RSPH14: variants seen among roughly 807,000 people sequenced by gnomAD.
The protein encoded by RSPH14 is rhabdoid tumor deletion region gene 1.
In RSPH14, 20 loss-of-function variants were observed where a neutral mutation model predicts 26.7. The observed-to-expected ratio is 0.75, with a 90% confidence interval of 0.53 to 1.09. The LOEUF is 1.09. Ranked by LOEUF, RSPH14 falls within the 50% of genes least tolerant of loss-of-function variation. The pLI, the probability that RSPH14 is intolerant of heterozygous loss-of-function variation, is 0.00. For missense variants in RSPH14, 449 were observed against 457.2 expected, an observed-to-expected ratio of 0.98 and a Z score of 0.16; for synonymous variants, 177 against 189.3, an observed-to-expected ratio of 0.93 and a Z score of 0.53.
the RSPH14 span, among the ~76,000 whole-genome samples, chr22:23,152,121 G>A: frequency 2.6e-5 from 4 of 152,196 alleles, no homozygotes; most frequent in South Asian, 8.3e-4. Context: ...ACGTGCCCAC[G>A]GCTGTTGGTT....
At chr22:23,149,318 A>G (rs1461400100), upstream of RSPH14, among the ~76,000 whole-genome samples, 2 of 152,164 alleles carry the variant, frequency 1.3e-5, no homozygotes, top group Non-Finnish European at 2.9e-5. Flanking sequence ...AATGGCAAAA[A>G]ATAATGGTCA....
chr22:23,073,804 G>A (rs2068437831), intron 4 of RSPH14, among the ~76,000 whole-genome samples: 1 of 152,188 alleles, frequency 6.6e-6, no homozygotes. Context: ...CCAGGTGCAG[G>A]GGTACAGCAG....
At chr22:23,160,801 G>T in the RSPH14 span, 151 of 1,555,420 alleles carry the variant, frequency 9.7e-5, 1 homozygote, top group South Asian at 1.7e-3. Flanking sequence ...GGGTAGGCTA[G>T]CCTGGCTTTC....
chr22:23,168,406 G>A, the RSPH14 span, among the ~76,000 whole-genome samples: 2 of 152,176 alleles, frequency 1.3e-5, no homozygotes, highest in Admixed American at 1.3e-4. Flanking sequence ...GGTTTCAGAG[G>A]AAGAAACTCA....
intron 4 of RSPH14, chr22:23,123,131 C>T (rs1280317094): frequency 6.2e-7 from 1 of 1,614,068 alleles, no homozygotes; most frequent in South Asian, 1.1e-5. Flanking sequence ...CCATCTGCAA[C>T]AACAACTGGT....
chr22:23,158,835 C>A, the RSPH14 span: 1 of 1,484,288 alleles, frequency 6.7e-7, no homozygotes, highest in East Asian at 2.3e-5. Flanking sequence ...CAAGTGTGCC[C>A]TCTGCCCCCT....
chr22:23,106,330 CA>C, intron 4 of RSPH14, among the ~76,000 whole-genome samples: 1 of 152,238 alleles, frequency 6.6e-6, no homozygotes, highest in Non-Finnish European at 1.5e-5. Flanking sequence ...CAGGGCTGGA[CA>C]GGGGTGCCAA....
the RSPH14 span, among the ~76,000 whole-genome samples, chr22:23,153,936 G>A: frequency 2.8e-4 from 43 of 152,060 alleles, 1 homozygote; most frequent in African/African-American, 8.4e-4. Context: ...TGCTCCACCC[G>A]CTTCAGCCTC....
chr22:23,121,510 C>T lies in RSPH14; in HGVS notation c.421+12516G>A, dbSNP rs1230312078. Among the ~76,000 whole-genome samples, 3 of 152,180 alleles carry T rather than the reference C, an allele frequency of 2.0e-5. No homozygotes were observed. The South Asian group carries it at 6.2e-4, about 32-fold the overall frequency. ...TGTGGGGCTTGGAGCACATATCCTG[C>T]CTCTCTGTGCCTCAGTTTCTTCATC... On this transcript the variant is annotated intron_variant, in intron 4 of 6. Coordinates refer to ENST00000216036, the MANE Select transcript of RSPH14 (RefSeq NM_014433.3).
At chr22:23,101,937 C>T (rs1452945458) in intron 4 of RSPH14, among the ~76,000 whole-genome samples, 1 of 152,228 alleles carries the variant, frequency 6.6e-6, no homozygotes, top group African/African-American at 2.4e-5. Flanking sequence ...ATCCCCAGCC[C>T]GCATCCCTCT....
At chr22:23,159,409 C>T in the RSPH14 span, among the ~76,000 whole-genome samples, 1 of 152,240 alleles carries the variant, frequency 6.6e-6, no homozygotes, top group Non-Finnish European at 1.5e-5. Context: ...GTGCTGGTGC[C>T]TGGCAGCACT....
chr22:23,140,071 T>A (rs1569197789), intron 2 of RSPH14, 151 bp downstream of exon 2: 2 of 918,016 alleles, frequency 2.2e-6, no homozygotes, highest in Non-Finnish European at 3.2e-6. Flanking sequence ...TAAATAAACA[T>A]TTTTTAAAAA....
Position 23,140,276 on chromosome 22 carries a change from C to T in RSPH14, c.145G>A (p.Ala49Thr). 6.2e-7 allele frequency: 1 copy of T among 1,614,174 alleles called. No individual in the cohort carries two copies. The highest frequency in any genetic ancestry group is 8.5e-7 in the Non-Finnish European group (1 of 1,180,040). Residue 49 changes from alanine (A) to threonine (T), a missense_variant, in exon 2 of 7, where the codon GCC becomes ACC. Physicochemically the swap from Ala to Thr is moderately conservative, Grantham distance 58. Coordinates refer to ENST00000216036, the MANE Select transcript of RSPH14 (RefSeq NM_014433.3). ...GGGTCATGCATGAGGTCACACAAGG[C>T]CATGAGGGCTTTCTGCCTCGTCTGG... ...DLQTRQKALM[A>T]LCDLMHDPEC...
At chr22:23,084,675 T>C (rs914446424) in intron 4 of RSPH14, among the ~76,000 whole-genome samples, 5 of 152,194 alleles carry the variant, frequency 3.3e-5, no homozygotes, top group African/African-American at 1.2e-4. Context: ...TCGTGGCCCA[T>C]GATGCAATGC....
upstream of RSPH14, among the ~76,000 whole-genome samples, chr22:23,144,032 G>C (rs1368329625): frequency 1.4e-5 from 2 of 139,276 alleles, no homozygotes; most frequent in Non-Finnish European, 3.0e-5. Context: ...GGCGGAGATT[G>C]CAGTGAGCCG....
intron 4 of RSPH14, among the ~76,000 whole-genome samples, chr22:23,121,720 C>CTTTTT (rs10598505): frequency 8.1e-6 from 1 of 123,184 alleles, no homozygotes; most frequent in African/African-American, 3.2e-5. Flanking sequence ...AGAAAAGTTC[C>CTTTTT]TTTTTTTTTT....
rs1438492925 is a variant in RSPH14, at chr22:23,071,564, A to G, written c.422-7431T>C. On this transcript the variant is annotated intron_variant, in intron 4 of 6. Coordinates refer to ENST00000216036, the MANE Select transcript of RSPH14 (RefSeq NM_014433.3). The surrounding 1 kb of genome is among the most constrained non-coding windows in gnomAD (Gnocchi z 4.1). ...TCCTTGGCCAAATTCAATTAAGCAA[A>G]TATTTATTGAGTGGTCACTCCCCCA... Among the ~76,000 whole-genome samples, 1 of 152,088 alleles carries G rather than the reference A, an allele frequency of 6.6e-6. No homozygotes were observed. The highest frequency in any genetic ancestry group is 1.5e-5 in the Non-Finnish European group (1 of 68,008).
At chr22:23,107,190 T>C (rs1175379608) in intron 4 of RSPH14, among the ~76,000 whole-genome samples, 3 of 152,166 alleles carry the variant, frequency 2.0e-5, no homozygotes, top group Non-Finnish European at 4.4e-5. Flanking sequence ...CAGGCATAGT[T>C]GCAGGGGGGA....
chr22:23,114,371 G>A (rs1321271769), intron 4 of RSPH14, among the ~76,000 whole-genome samples: 1 of 152,238 alleles, frequency 6.6e-6, no homozygotes, highest in African/African-American at 2.4e-5. Flanking sequence ...CTGAGGCCCA[G>A]GGTGGGACAG....
Sources: allele counts gnomAD v4.1 joint callset (sites outside exome capture counted in the v4.1 genomes callset), GRCh38; gene constraint gnomAD v4.1.1; non-coding constraint Gnocchi (gnomAD v3.1); transcripts MANE v1.5; gene names NCBI Gene and HGNC (gene_info 2026-07-23, HGNC 2026-07-21).